CSNK1A1: variants seen among roughly 807,000 people sequenced by gnomAD.
CSNK1A1 encodes casein kinase I isoform alpha.
Under a neutral mutation model 46.1 loss-of-function variants are expected in CSNK1A1, and 7 were observed. The observed-to-expected ratio is 0.15, with a 90% CI of 0.09 to 0.29. CSNK1A1 has a LOEUF of 0.29. CSNK1A1 is among the 10% of genes least tolerant of loss of function. CSNK1A1 has a pLI of 1.00. For missense variants in CSNK1A1, 96 were observed against 417.1 expected, an observed-to-expected ratio of 0.23 and a Z score of 6.71; for synonymous variants, 137 against 141.5, an observed-to-expected ratio of 0.97 and a Z score of 0.23.
intron 9 of CSNK1A1, among the ~76,000 whole-genome samples, chr5:149,499,560 C>T (rs1372537739): frequency 6.6e-6 from 1 of 151,472 alleles, no homozygotes; most frequent in East Asian, 1.9e-4. Flanking sequence ...CCAGGAGTTC[C>T]AAATAAACCT....
chr5:149,529,856 A>G (rs1580846348), intron 2 of CSNK1A1: 2 of 398,590 alleles, frequency 5.0e-6, no homozygotes, highest in East Asian at 1.6e-4. Context: ...ATGGTTACCA[A>G]TTAGGAAGTG....
Position 149,495,476 on chromosome 5 carries a change from G to A in CSNK1A1, c.*1377C>T, listed in dbSNP as rs1286779284. The A allele has an allele frequency of 1.1e-4, 16 of 152,096 alleles. No individual in the cohort carries two copies. Among genetic ancestry groups the A allele is most frequent in the Middle Eastern group, 3.2e-3 (1 of 316 alleles). The allele number at this position is 152,096 out of a possible 1,614,324, so 9.4% of individuals were successfully genotyped here. A position where few individuals can be genotyped will look rare whatever the true frequency, so the allele number is the denominator to read the frequency against. On this transcript the variant is annotated 3_prime_UTR_variant, in exon 10 of 10. Coordinates refer to ENST00000377843, the MANE Select transcript of CSNK1A1 (RefSeq NM_001892.6). ...AATGAGCGTGCAAAGAAGATTGAGAGGAAGCGCACGCACACAGATAACTTA... is the reference window on the plus strand; with the variant it reads ...AATGAGCGTGCAAAGAAGATTGAGAAGAAGCGCACGCACACAGATAACTTA...
At chr5:149,536,100 C>A (rs535322276) in intron 2 of CSNK1A1, among the ~76,000 whole-genome samples, 2 of 152,118 alleles carry the variant, frequency 1.3e-5, no homozygotes, top group African/African-American at 4.8e-5. Flanking sequence ...ATCACAGGCA[C>A]GCGCCACCAC....
At position 149,499,124 on chromosome 5, in the gene CSNK1A1, ATATTCAACAGG is replaced by A. The variant is rs1217522785; in HGVS notation, c.1007-2275_1007-2265del. On this transcript the variant is annotated intron_variant, in intron 9 of 9. Coordinates refer to ENST00000377843, the MANE Select transcript of CSNK1A1 (RefSeq NM_001892.6). Reference sequence around the variant, plus strand: ...TGTTTAGGAAAAAACCTCAATAGGAATATTCAACAGGTATTCAACAGTCTTGCAGTACTAAG... The same window carrying A: ...TGTTTAGGAAAAAACCTCAATAGGAATATTCAACAGTCTTGCAGTACTAAG... The A allele has an allele frequency of 1.9e-5, 19 of 985,402 alleles. No homozygotes were observed. The African/African-American group carries it at 2.6e-4, about 14-fold the overall frequency. 61.0% of individuals were successfully genotyped at this position (985,402 alleles called of 1,614,324 possible). A position where few individuals can be genotyped will look rare whatever the true frequency, so the allele number is the denominator to read the frequency against.
chr5:149,497,230 GAATAC>G, intron 9 of CSNK1A1: 1 of 1,008,004 alleles, frequency 9.9e-7, no homozygotes, highest in Non-Finnish European at 1.2e-6. Context: ...TTTAACTAAA[GAATAC>G]AATTTTAATC....
chr5:149,512,968 C>G, intron 5 of CSNK1A1, 102 bp downstream of exon 5: 1 of 1,369,914 alleles, frequency 7.3e-7, no homozygotes, highest in Admixed American at 2.2e-5. Context: ...AAATCCTCAG[C>G]CAAGAAACAT....
At chr5:149,497,226 TA>T (rs1760681288) in intron 9 of CSNK1A1, 1 of 1,011,120 alleles carries the variant, frequency 9.9e-7, no homozygotes, top group Admixed American at 5.4e-5. Flanking sequence ...TTGCTTTAAC[TA>T]AAGAATACAA....
At chr5:149,522,292 T>C (rs906973297) in intron 3 of CSNK1A1, among the ~76,000 whole-genome samples, 1 of 151,938 alleles carries the variant, frequency 6.6e-6, no homozygotes, top group Admixed American at 6.6e-5. Flanking sequence ...GTATTTTTTG[T>C]GGAAAGGGGG....
At chr5:149,504,678 T>TA (rs1760971561) in intron 9 of CSNK1A1, 1 of 985,424 alleles carries the variant, frequency 1.0e-6, no homozygotes, top group Non-Finnish European at 1.2e-6. Context: ...TTGCCCCAGT[T>TA]ACCTTCAATT....
At chr5:149,530,594 A>G (rs779328497) in intron 2 of CSNK1A1, among the ~76,000 whole-genome samples, 30 of 152,198 alleles carry the variant, frequency 2.0e-4, no homozygotes, top group South Asian at 8.3e-4. Context: ...GGGAGCAGAA[A>G]AGGAATTTGG....
Position 149,525,902 on chromosome 5 carries a change from C to T in CSNK1A1, c.231-731G>A, listed in dbSNP as rs866635602. ...AGTACTTTCCTTAAAATAAGCACTA[C>T]CACTTTTCTTTCAAACTTTTCTAGA... On this transcript the variant is annotated intron_variant, in intron 2 of 9. Transcript: ENST00000377843. The surrounding 1 kb of genome is among the most constrained non-coding windows in gnomAD (Gnocchi z 4.2). Among the ~76,000 whole-genome samples the T allele has an allele frequency of 6.6e-6, 1 of 152,188 alleles. No individual in the cohort carries two copies. The highest frequency in any genetic ancestry group is 6.5e-5 in the Admixed American group (1 of 15,270).
At chr5:149,531,393 C>T (rs1179656161) in intron 2 of CSNK1A1, among the ~76,000 whole-genome samples, 3 of 151,588 alleles carry the variant, frequency 2.0e-5, no homozygotes, top group African/African-American at 7.3e-5. Context: ...AATTAACATG[C>T]CTGTAATCCA....
Position 149,551,110 on chromosome 5 carries a change from A to G in CSNK1A1, c.-146T>C. ...AGGCCTTTACCGGGGTTCGGGGCCC[A>G]GAATCAGCAGAGGGGAACCTGATCA... On this transcript the variant is annotated 5_prime_UTR_variant, in exon 1 of 10. Coordinates refer to ENST00000377843, the MANE Select transcript of CSNK1A1 (RefSeq NM_001892.6). 1.2e-6 allele frequency: 1 copy of G among 803,432 alleles called. No individual in the cohort carries two copies. Among genetic ancestry groups the G allele is most frequent in the Non-Finnish European group, 2.0e-6 (1 of 506,784 alleles). The allele number at this position is 803,432 out of a possible 1,614,324, so 49.8% of individuals were successfully genotyped here. A position where few individuals can be genotyped will look rare whatever the true frequency, so the allele number is the denominator to read the frequency against.
rs940688635 is a variant in CSNK1A1, at chr5:149,518,804, A to AG, written c.456+1485dup. ...GCTATTCTTAAGGGGGTTGTGGGGG[A>AG]GGGGGGGAAGGCAAAGTGATATCTA... On this transcript the variant is annotated intron_variant, in intron 4 of 9. Transcript: ENST00000377843. Among the ~76,000 whole-genome samples the AG allele has an allele frequency of 1.0e-4, 15 of 146,944 alleles. No homozygotes were observed. The East Asian group carries it at 1.2e-3, about 12-fold the overall frequency.
chr5:149,530,677 A>T (rs1761864255), intron 2 of CSNK1A1, among the ~76,000 whole-genome samples: 1 of 152,120 alleles, frequency 6.6e-6, no homozygotes. Context: ...TAACAGTTCC[A>T]GCTACTCAGG....
At chr5:149,549,225 TG>T (rs1228344288) in intron 2 of CSNK1A1, 2 of 468,918 alleles carry the variant, frequency 4.3e-6, no homozygotes, top group African/African-American at 3.8e-5. Flanking sequence ...ACAACTGATA[TG>T]AGTAAATTTT....
chr5:149,516,759 A>C (rs1469487823), intron 4 of CSNK1A1, among the ~76,000 whole-genome samples: 1 of 152,108 alleles, frequency 6.6e-6, no homozygotes, highest in East Asian at 1.9e-4. Flanking sequence ...AATACTTGGT[A>C]CTTCTTTGCC....
chr5:149,523,402 G>T (rs1252740845), intron 3 of CSNK1A1, among the ~76,000 whole-genome samples: 1 of 152,202 alleles, frequency 6.6e-6, no homozygotes, highest in African/African-American at 2.4e-5. Context: ...AGGCTGGAGT[G>T]CAGTGGCATT....
chr5:149,542,622 A>ACATG (rs1762294077), intron 2 of CSNK1A1, among the ~76,000 whole-genome samples: 2 of 13,790 alleles, frequency 1.5e-4, no homozygotes, highest in African/African-American at 9.2e-4. Flanking sequence ...ATATATATAT[A>ACATG]TATATATATA....
Sources: allele counts gnomAD v4.1 joint callset (sites outside exome capture counted in the v4.1 genomes callset), GRCh38; gene constraint gnomAD v4.1.1; non-coding constraint Gnocchi (gnomAD v3.1); transcripts MANE v1.5; gene names NCBI Gene and HGNC (gene_info 2026-07-23, HGNC 2026-07-21).